Variants in DAB1 observed in about 807,000 individuals in gnomAD.
The protein encoded by DAB1 is disabled homolog 1.
Under a neutral mutation model 64.6 loss-of-function variants are expected in DAB1, and 15 were observed. The observed-to-expected ratio is 0.23, with a 90% CI of 0.16 to 0.36. DAB1 has a LOEUF of 0.36. Ranked by LOEUF, DAB1 falls within the 10% of genes least tolerant of loss-of-function variation. The pLI, the probability that DAB1 is intolerant of heterozygous loss-of-function variation, is 1.00. For synonymous variants in DAB1, 235 were observed against 251.9 expected, an observed-to-expected ratio of 0.93 and a Z score of 0.64; for missense variants, 596 against 706.7, an observed-to-expected ratio of 0.84 and a Z score of 1.78.
chr1:57,750,511 C>T (rs1648502925), intron 6 of DAB1, among the ~76,000 whole-genome samples: 1 of 152,196 alleles, frequency 6.6e-6, no homozygotes, highest in Admixed American at 6.5e-5. Context: ...TCCTACTTCA[C>T]ACTATTGTAA....
At chr1:57,422,642 G>T (rs560127521) in intron 1 of DAB1, among the ~76,000 whole-genome samples, 201 of 151,286 alleles carry the variant, frequency 1.3e-3, no homozygotes, top group African/African-American at 4.7e-3. Flanking sequence ...CCACCCCCAC[G>T]CCATTCCTTC....
chr1:58,202,689 C>T (rs1271750666), intron 4 of DAB1, among the ~76,000 whole-genome samples: 4 of 152,238 alleles, frequency 2.6e-5, no homozygotes, highest in African/African-American at 9.6e-5. Flanking sequence ...AAATTACTAT[C>T]ATTTGTACAA....
chr1:57,047,069 A>C (rs191769879), intron 9 of DAB1, among the ~76,000 whole-genome samples: 1 of 152,310 alleles, frequency 6.6e-6, no homozygotes, highest in African/African-American at 2.4e-5. Flanking sequence ...AGTTTGGATG[A>C]TAAACTAGGT....
At chr1:57,791,932 C>G (rs1569700514) in intron 6 of DAB1, among the ~76,000 whole-genome samples, 1 of 152,176 alleles carries the variant, frequency 6.6e-6, no homozygotes. Flanking sequence ...AAGTGCCGCT[C>G]TCTCTCCTCT....
chr1:57,649,151 G>A (rs1255951217), intron 7 of DAB1, among the ~76,000 whole-genome samples: 1 of 152,098 alleles, frequency 6.6e-6, no homozygotes, highest in Non-Finnish European at 1.5e-5. Flanking sequence ...CATATTGTTT[G>A]AGTTTATTTT....
intron 4 of DAB1, among the ~76,000 whole-genome samples, chr1:57,122,282 A>G (rs1039268287): frequency 3.3e-5 from 5 of 152,212 alleles, no homozygotes; most frequent in African/African-American, 9.7e-5. Context: ...AGTGCCTGGT[A>G]CACATTGGAT....
chr1:58,114,393 G>A (rs775261709), intron 5 of DAB1, among the ~76,000 whole-genome samples: 24 of 152,128 alleles, frequency 1.6e-4, no homozygotes, highest in African/African-American at 2.9e-4. Context: ...ATCTAGTCCC[G>A]AACAAAAAAA....
intron 7 of DAB1, among the ~76,000 whole-genome samples, chr1:57,647,374 A>G (rs1031325598): frequency 6.6e-6 from 1 of 152,200 alleles, no homozygotes; most frequent in Admixed American, 6.5e-5. Context: ...CCAGTTGGAG[A>G]GGTGGTAACT....
chr1:57,924,006 T>G (rs1457060153), intron 5 of DAB1, among the ~76,000 whole-genome samples: 2 of 152,230 alleles, frequency 1.3e-5, no homozygotes, highest in Non-Finnish European at 2.9e-5. Flanking sequence ...GCTTTTTTTC[T>G]ATGCCCACCT....
At chr1:57,091,513 A>G (rs1307014475) in intron 4 of DAB1, among the ~76,000 whole-genome samples, 1 of 152,230 alleles carries the variant, frequency 6.6e-6, no homozygotes, top group Non-Finnish European at 1.5e-5. Context: ...TAATCAGCCC[A>G]AAGTCACATC....
intron 5 of DAB1, among the ~76,000 whole-genome samples, chr1:58,127,234 T>C (rs1449611069): frequency 2.0e-5 from 3 of 152,226 alleles, no homozygotes; most frequent in Admixed American, 6.5e-5. Context: ...TTTTCATGTG[T>C]TTCTTGGCTG....
chr1:57,321,436 T>C (rs1675704724), intron 1 of DAB1, among the ~76,000 whole-genome samples: 1 of 152,184 alleles, frequency 6.6e-6, no homozygotes. Flanking sequence ...CTCTCACCTC[T>C]TGGCAGAGGA....
chr1:57,045,817 C>G (rs1648406502), intron 9 of DAB1, among the ~76,000 whole-genome samples: 1 of 152,180 alleles, frequency 6.6e-6, no homozygotes, highest in Non-Finnish European at 1.5e-5. Flanking sequence ...TACTGCTAAC[C>G]TGCTGGAGAG....
At chr1:57,196,633 A>AGT (rs1664646095) in intron 2 of DAB1, among the ~76,000 whole-genome samples, 1 of 152,210 alleles carries the variant, frequency 6.6e-6, no homozygotes, top group Non-Finnish European at 1.5e-5. Context: ...CACCTTTCAA[A>AGT]GGGGTCAACC....
chr1:57,488,719 A>T (rs1476694632), intron 7 of DAB1, among the ~76,000 whole-genome samples: 1 of 152,004 alleles, frequency 6.6e-6, no homozygotes, highest in Non-Finnish European at 1.5e-5. Context: ...AATAAAAATT[A>T]TATAGGTGCT....
At chr1:57,942,169 C>G (rs1231053026) in intron 5 of DAB1, among the ~76,000 whole-genome samples, 1 of 152,152 alleles carries the variant, frequency 6.6e-6, no homozygotes, top group African/African-American at 2.4e-5. Context: ...AAGGCACACC[C>G]TTATATCATT....
intron 5 of DAB1, among the ~76,000 whole-genome samples, chr1:58,032,210 T>C (rs1646982578): frequency 6.6e-6 from 1 of 152,172 alleles, no homozygotes; most frequent in African/African-American, 2.4e-5. Context: ...ATGCACATTA[T>C]AATTTGAGGA....
At chr1:58,060,655 C>T (rs1648438763) in intron 5 of DAB1, among the ~76,000 whole-genome samples, 1 of 152,140 alleles carries the variant, frequency 6.6e-6, no homozygotes, top group Admixed American at 6.5e-5. Context: ...TGCCCAAGGG[C>T]CCACAAAGTC....
At chr1:57,915,921 T>G (rs1223055808) in intron 5 of DAB1, among the ~76,000 whole-genome samples, 1 of 152,088 alleles carries the variant, frequency 6.6e-6, no homozygotes, top group Non-Finnish European at 1.5e-5. Context: ...TTAGGTCATC[T>G]CCAAGGAGAA....
Sources: gnomAD v4.1 joint callset for allele counts (sites outside exome capture counted in the v4.1 genomes callset) on GRCh38, gnomAD v4.1.1 for gene constraint, MANE v1.5 for transcripts, NCBI Gene and HGNC (gene_info 2026-07-23, HGNC 2026-07-21) for gene names.